The following UPF3A variants were observed in gnomAD, a reference collection of about 807,000 sequenced individuals.
The protein encoded by UPF3A is UPF3A regulator of nonsense mediated mRNA decay.
In UPF3A, 42 loss-of-function variants were observed where a neutral mutation model predicts 53.5. The ratio of observed to expected loss-of-function variants is 0.78; its 90% confidence interval spans 0.61 to 1.01. The LOEUF is 1.01. Among genes scored for constraint, UPF3A ranks in the 50% least tolerant of loss-of-function variants. The pLI, the probability that UPF3A is intolerant of heterozygous loss-of-function variation, is 0.00. For synonymous variants in UPF3A, 237 were observed against 225.3 expected (o/e 1.05, Z -0.47); for missense variants, 575 against 598.0 (o/e 0.96, Z 0.40).
intron 5 of UPF3A, among the ~76,000 whole-genome samples, chr13:114,288,379 C>T (rs1316562414): frequency 6.6e-6 from 1 of 151,968 alleles, no homozygotes; most frequent in Non-Finnish European, 1.5e-5. Flanking sequence ...GGAGCTGAGA[C>T]TGGCTGCGGG....
intron 7 of UPF3A, among the ~76,000 whole-genome samples, chr13:114,298,295 C>A (rs1408161979): frequency 6.6e-6 from 1 of 152,034 alleles, no homozygotes; most frequent in Non-Finnish European, 1.5e-5. Flanking sequence ...ATCACTTGAA[C>A]CCGGGAGGAG....
At chr13:114,285,344 CAG>C (rs745407905) in intron 3 of UPF3A, 2 of 152,242 alleles carry the variant, frequency 1.3e-5, no homozygotes, top group African/African-American at 2.4e-5. Context: ...GCTTTGGAAT[CAG>C]GGAGTATGTC....
intron 7 of UPF3A, among the ~76,000 whole-genome samples, chr13:114,297,886 T>TA (rs1229954439): frequency 2.0e-5 from 3 of 152,126 alleles, no homozygotes; most frequent in African/African-American, 7.2e-5. Context: ...CACGCCCCTG[T>TA]AGTCCTGGCT....
chr13:114,295,435 C>CGTGCTCCCCAGCTCGTCTCCAGCGGCT (rs2085851973), intron 7 of UPF3A, among the ~76,000 whole-genome samples: 3 of 152,000 alleles, frequency 2.0e-5, no homozygotes, highest in African/African-American at 4.8e-5. Context: ...GCGGCTCTGG[C>CGTGCTCCCCAGCTCGTCTCCAGCGGCT]CTGCTGGTTT....
Position 114,286,690 on chromosome 13 carries a change from GTTTT to G in UPF3A, c.631+64_631+67del, listed in dbSNP as rs1021001195. On this transcript the variant is annotated intron_variant, in intron 5 of 9. Transcript: ENST00000375299. ...AGAGATTTACTCGTAGAGGATATAC[GTTTT>G]TTCTCTTTTTCTTGACTGTGATAAC... is the stretch of plus-strand genomic sequence containing the variant. The G allele has an allele frequency of 2.9e-6, 4 of 1,366,556 alleles. No homozygotes were observed. The East Asian group carries it at 9.3e-5, about 32-fold the overall frequency. 84.7% of individuals were successfully genotyped at this position (1,366,556 alleles called of 1,614,324 possible).
At chr13:114,284,151 C>T in intron 3 of UPF3A, 1 of 830,840 alleles carries the variant, frequency 1.2e-6, no homozygotes, top group Non-Finnish European at 1.5e-6. Flanking sequence ...ATCACGAGGT[C>T]AGGAGTTCGA....
intron 3 of UPF3A, among the ~76,000 whole-genome samples, chr13:114,284,820 CGTT>C (rs1012217326): frequency 1.3e-5 from 2 of 152,122 alleles, no homozygotes; most frequent in Non-Finnish European, 1.5e-5. Context: ...TCTTTGTTGT[CGTT>C]GTTTTGTTTT....
At chr13:114,292,385 AT>A (rs949094595) in intron 7 of UPF3A, among the ~76,000 whole-genome samples, 2 of 147,796 alleles carry the variant, frequency 1.4e-5, no homozygotes, top group Non-Finnish European at 3.0e-5. Context: ...TTACGTGTTC[AT>A]TTTCGGCTCA....
chr13:114,305,366 G>C lies in UPF3A; in HGVS notation c.*449G>C, dbSNP rs535534747. 24 of 246,798 alleles carry C rather than the reference G, an allele frequency of 9.7e-5. No individual in the cohort carries two copies. In the South Asian group the frequency reaches 1.1e-3, roughly 12 times the overall value. The allele number at this position is 246,798 out of a possible 1,614,324, so 15.3% of individuals were successfully genotyped here. A position where few individuals can be genotyped will look rare whatever the true frequency, so the allele number is the denominator to read the frequency against. On this transcript the variant is annotated 3_prime_UTR_variant, in exon 10 of 10. Coordinates refer to ENST00000375299, the MANE Select transcript of UPF3A (RefSeq NM_023011.4). ...GAGCCATGGTGTCGAGTGAAGAGTA[G>C]TTCTTGTTTGTTACAACCTTTGTGA...
intron 7 of UPF3A, among the ~76,000 whole-genome samples, chr13:114,298,529 G>A (rs1347609390): frequency 1.3e-5 from 2 of 152,212 alleles, no homozygotes; most frequent in African/African-American, 4.8e-5. Context: ...GACAGAGCGA[G>A]ACTCTGTCTC....
intron 5 of UPF3A, chr13:114,287,401 C>T: frequency 6.6e-6 from 1 of 152,352 alleles, no homozygotes; most frequent in Non-Finnish European, 1.5e-5. Context: ...ATCAGCCTGG[C>T]CGACATGGTG....
intron 5 of UPF3A, among the ~76,000 whole-genome samples, chr13:114,290,311 T>C (rs55932700): frequency 0.04 from 6,159 of 152,254 alleles, 349 homozygotes; most frequent in African/African-American, 0.13. Flanking sequence ...TGTCAGGGGT[T>C]CTCAGTTCCA....
intron 7 of UPF3A, among the ~76,000 whole-genome samples, chr13:114,294,574 AAT>A (rs1418558467): frequency 6.6e-6 from 1 of 152,148 alleles, no homozygotes; most frequent in Non-Finnish European, 1.5e-5. Context: ...AATAAAGAGA[AAT>A]ATGGTTTGGG....
In UPF3A at chr13:114,281,851, G is replaced by A. The variant is rs199922886; in HGVS notation, c.207+5G>A. ...AAGAGGACGGCCCTGAGCAAGGTGG[G>A]GACGGGGGCGGGGCGCGCAAACCTC... On this transcript the variant is annotated splice_donor_5th_base_variant and intron_variant, in intron 1 of 9. Coordinates refer to ENST00000375299, the MANE Select transcript of UPF3A (RefSeq NM_023011.4). The A allele has an allele frequency of 1.5e-4, 225 of 1,525,486 alleles. No homozygotes were observed. The highest frequency in any genetic ancestry group is 1.0e-3 in the Middle Eastern group (5 of 4,786). 94.5% of individuals were successfully genotyped at this position (1,525,486 alleles called of 1,614,324 possible).
chr13:114,299,214 T>G (rs2086356347), intron 8 of UPF3A, among the ~76,000 whole-genome samples: 1 of 152,226 alleles, frequency 6.6e-6, no homozygotes, highest in African/African-American at 2.4e-5. Context: ...ATCGGGAGTT[T>G]CTTCCTGTTG....
intron 7 of UPF3A, among the ~76,000 whole-genome samples, chr13:114,296,509 G>A (rs139339617): frequency 1.6e-4 from 24 of 152,218 alleles, no homozygotes; most frequent in Middle Eastern, 3.4e-3. Context: ...CATTTTTTCC[G>A]TTTGGCTGTT....
intron 7 of UPF3A, among the ~76,000 whole-genome samples, chr13:114,295,509 C>G (rs1295209269): frequency 4.6e-5 from 7 of 152,174 alleles, no homozygotes; most frequent in Non-Finnish European, 8.8e-5. Flanking sequence ...AGGGACTTCC[C>G]CAGATGTGCC....
chr13:114,302,923 G>A (rs528582916), intron 9 of UPF3A, among the ~76,000 whole-genome samples: 10 of 152,184 alleles, frequency 6.6e-5, no homozygotes, highest in Non-Finnish European at 1.0e-4. Flanking sequence ...CCAACATGGC[G>A]AAACCCTGTC....
Position 114,305,058 on chromosome 13 carries a change from C to T in UPF3A, c.*141C>T, listed in dbSNP as rs1002869461. The T allele has an allele frequency of 1.6e-5, 18 of 1,096,916 alleles. No individual in the cohort carries two copies. Among genetic ancestry groups the T allele is most frequent in the African/African-American group, 1.3e-4 (8 of 63,118 alleles). 67.9% of individuals were successfully genotyped at this position (1,096,916 alleles called of 1,614,324 possible). A position where few individuals can be genotyped will look rare whatever the true frequency, so the allele number is the denominator to read the frequency against. On this transcript the variant is annotated 3_prime_UTR_variant, in exon 10 of 10. Transcript: ENST00000375299. ...AAATACAGAGGGTGACGTAGAAACA[C>T]GCAGAAACCATTCTAAAGAAAGTAG...
Sources: allele counts gnomAD v4.1 joint callset (sites outside exome capture counted in the v4.1 genomes callset), GRCh38; gene constraint gnomAD v4.1.1; transcripts MANE v1.5; gene names NCBI Gene and HGNC (gene_info 2026-07-23, HGNC 2026-07-21).